WNT1: variants seen among roughly 807,000 people sequenced by gnomAD.
The protein encoded by WNT1 is proto-oncogene Wnt-1.
A neutral mutation model predicts 21.3 loss-of-function variants in WNT1; 10 were observed. The ratio of observed to expected loss-of-function variants is 0.47; its 90% confidence interval spans 0.29 to 0.80. WNT1 has a LOEUF of 0.80. Among genes scored for constraint, WNT1 ranks in the 30% least tolerant of loss-of-function variants. WNT1 has a pLI of 0.09. For synonymous variants in WNT1, 208 were observed against 236.3 expected (o/e 0.88, Z 1.10); for missense variants, 476 against 534.1 (o/e 0.89, Z 1.07).
Position 48,979,841 on chromosome 12 carries a change from T to C in WNT1, c.358+120T>C. 1 of 1,367,622 alleles carries C rather than the reference T, an allele frequency of 7.3e-7. No individual in the cohort carries two copies. The highest frequency in any genetic ancestry group is 9.6e-7 in the Non-Finnish European group (1 of 1,040,618). The allele number at this position is 1,367,622 out of a possible 1,614,324, so 84.7% of individuals were successfully genotyped here. On this transcript the variant is annotated intron_variant, in intron 2 of 3. Coordinates refer to ENST00000293549, the MANE Select transcript of WNT1 (RefSeq NM_005430.4). This position sits in a 1 kb window ranked among gnomAD's most constrained non-coding sequence, Gnocchi z 6.0. The stretch of plus-strand genomic sequence containing the variant: ...CGCCTGGAGGGTCACACAATCAACC[T>C]TGCCAAGTGCCTCGTGCCCAGCGCC...
rs755568759 is a variant in WNT1, at chr12:48,980,386, C to T, written c.359-38C>T. The T allele has an allele frequency of 5.0e-6, 8 of 1,612,732 alleles. 1 individual carries two copies. The South Asian group carries it at 8.8e-5, about 18-fold the overall frequency. ...TCATGAGGGTGCTGGCCGCGCCCCGCGTACCCCCTCGCTGATCCCCGCTCC... is the reference window on the plus strand; with the variant it reads ...TCATGAGGGTGCTGGCCGCGCCCCGTGTACCCCCTCGCTGATCCCCGCTCC... On this transcript the variant is annotated intron_variant, in intron 2 of 3. Transcript: ENST00000293549. This position sits in a 1 kb window ranked among gnomAD's most constrained non-coding sequence, Gnocchi z 7.0.
chr12:48,980,726 G>A lies in WNT1; in HGVS notation c.624+37G>A, dbSNP rs1373417093. ...GAGGCTCCGCACCCTAAGCGGAGCG[G>A]CAGGGGCCAACCTCGGGCTGGGGAA... On this transcript the variant is annotated intron_variant, in intron 3 of 3. Coordinates refer to ENST00000293549, the MANE Select transcript of WNT1 (RefSeq NM_005430.4). This position sits in a 1 kb window ranked among gnomAD's most constrained non-coding sequence, Gnocchi z 7.0. 2 of 1,501,540 alleles carry A rather than the reference G, an allele frequency of 1.3e-6. No homozygotes were observed. The highest frequency in any genetic ancestry group is 1.8e-6 in the Non-Finnish European group (2 of 1,126,846). 93.0% of individuals were successfully genotyped at this position (1,501,540 alleles called of 1,614,324 possible).
Position 48,979,820 on chromosome 12 carries a change from T to C in WNT1, c.358+99T>C. On this transcript the variant is annotated intron_variant, in intron 2 of 3. Transcript: ENST00000293549. This position sits in a 1 kb window ranked among gnomAD's most constrained non-coding sequence, Gnocchi z 6.0. ...GTTCAGAGAAGGTGTCCCAGGCGCC[T>C]GGAGGGTCACACAATCAACCTTGCC... The C allele has an allele frequency of 7.0e-7, 1 of 1,430,026 alleles. No individual in the cohort carries two copies. The highest frequency in any genetic ancestry group is 1.5e-5 in the South Asian group (1 of 68,214). The allele number at this position is 1,430,026 out of a possible 1,614,324, so 88.6% of individuals were successfully genotyped here.
chr12:48,980,786 G>A lies in WNT1; in HGVS notation c.624+97G>A, dbSNP rs570746402. ...GGTGAGATAAGGCAAGGGGCACCAG[G>A]AGAGGGCGTCCTGGGAGAGCCGGAG... On this transcript the variant is annotated intron_variant, in intron 3 of 3. Coordinates refer to ENST00000293549, the MANE Select transcript of WNT1 (RefSeq NM_005430.4). The surrounding 1 kb of genome is among the most constrained non-coding windows in gnomAD (Gnocchi z 7.0). 4.1e-6 allele frequency: 6 copies of A among 1,449,918 alleles called. No individual in the cohort carries two copies. The African/African-American group carries it at 4.3e-5, about 10-fold the overall frequency. The allele number at this position is 1,449,918 out of a possible 1,614,324, so 89.8% of individuals were successfully genotyped here.
rs1325353610 is a variant in WNT1 at position 48,979,457 on chromosome 12, C to G, written c.105-11C>G. 6.3e-7 allele frequency: 1 copy of G among 1,594,558 alleles called. No homozygotes were observed. The highest frequency in any genetic ancestry group is 1.3e-5 in the African/African-American group (1 of 74,568). On this transcript the variant is annotated splice_polypyrimidine_tract_variant and intron_variant, in intron 1 of 3. Coordinates refer to ENST00000293549, the MANE Select transcript of WNT1 (RefSeq NM_005430.4). This position sits in a 1 kb window ranked among gnomAD's most constrained non-coding sequence, Gnocchi z 6.0. The stretch of plus-strand genomic sequence containing the variant: ...CCCTTCCTGAGCCTGAGCTATCATA[C>G]GTCCCACCAGGGGTATTGTGAACGT...
rs774290977 is a variant in WNT1, at chr12:48,979,597, C to A, written c.234C>A (p.Ile78=). 2.5e-6 allele frequency: 4 copies of A among 1,614,144 alleles called. No individual in the cohort carries two copies. Among genetic ancestry groups the A allele is most frequent in the Non-Finnish European group, 3.4e-6 (4 of 1,180,050 alleles). ...QRRLIRQNPG[I]LHSVSGGLQS... Reference sequence around the variant, plus strand: ...GTCTGATACGCCAAAATCCGGGGATCCTGCACAGCGTGAGTGGGGGGCTGC... The same window carrying A: ...GTCTGATACGCCAAAATCCGGGGATACTGCACAGCGTGAGTGGGGGGCTGC... Residue 78 remains isoleucine, a synonymous_variant, in exon 2 of 4, where the codon ATC becomes ATA. Transcript: ENST00000293549. The surrounding 1 kb of genome is among the most constrained non-coding windows in gnomAD (Gnocchi z 6.0).
At position 48,978,745 on chromosome 12, in the gene WNT1, G is replaced by A. The variant is rs1414331759; in HGVS notation, c.95G>A (p.Gly32Asp). 7 of 1,598,906 alleles carry A rather than the reference G, an allele frequency of 4.4e-6. No individual in the cohort carries two copies. Among genetic ancestry groups the A allele is most frequent in the Non-Finnish European group, 6.0e-6 (7 of 1,175,786 alleles). ...LPAALAANSSGRWWGIVNVAS... is the reference protein window; with the variant it reads ...LPAALAANSSDRWWGIVNVAS... Reference sequence around the variant, plus strand: ...GCAGCCCTGGCTGCCAACAGCAGTGGCCGATGGTGGTAAGTGAGCTGGTGC... The same window carrying A: ...GCAGCCCTGGCTGCCAACAGCAGTGACCGATGGTGGTAAGTGAGCTGGTGC... Residue 32 changes from glycine to aspartate, a missense_variant, in exon 1 of 4, where the codon GGC becomes GAC. Gly to Asp is a moderately conservative substitution (Grantham distance 94). Transcript: ENST00000293549. The surrounding 1 kb of genome is among the most constrained non-coding windows in gnomAD (Gnocchi z 7.4).
In WNT1 at chr12:48,979,731, C is replaced by A; in HGVS notation, c.358+10C>A. On this transcript the variant is annotated intron_variant, in intron 2 of 3. Transcript: ENST00000293549. This position sits in a 1 kb window ranked among gnomAD's most constrained non-coding sequence, Gnocchi z 6.0. Reference sequence around the variant, plus strand: ...AAGATCGTCAACCGAGGTGGGTGCCCAGGAAGGCGACGCTTCCGGGAGCAG... The same window carrying A: ...AAGATCGTCAACCGAGGTGGGTGCCAAGGAAGGCGACGCTTCCGGGAGCAG... 1 of 1,575,782 alleles carries A rather than the reference C, an allele frequency of 6.3e-7. No homozygotes were observed. The highest frequency in any genetic ancestry group is 1.1e-5 in the South Asian group (1 of 87,658).
Position 48,979,585 on chromosome 12 carries a change from A to G in WNT1, c.222A>G (p.Gln74=), listed in dbSNP as rs912508879. 13 of 1,614,000 alleles carry G rather than the reference A, an allele frequency of 8.1e-6. No individual in the cohort carries two copies. The highest frequency in any genetic ancestry group is 1.1e-5 in the Non-Finnish European group (13 of 1,180,044). ...LSRKQRRLIR[Q]NPGILHSVSG... is the part of the protein sequence containing the mutation. ...GCAAACAGCGGCGTCTGATACGCCAAAATCCGGGGATCCTGCACAGCGTGA... is the reference window on the plus strand; with the variant it reads ...GCAAACAGCGGCGTCTGATACGCCAGAATCCGGGGATCCTGCACAGCGTGA... The change falls in exon 2 of 4, where the codon CAA becomes CAG. Residue 74 remains glutamine (Q), a synonymous_variant. Transcript: ENST00000293549. The surrounding 1 kb of genome is among the most constrained non-coding windows in gnomAD (Gnocchi z 6.0).
rs1425027070 is a variant in WNT1, at chr12:48,981,450, C to G, written c.923C>G (p.Ala308Gly). Reference protein sequence around the residue: ...FCTYSGRLGTAGTAGRACNSS... With the variant: ...FCTYSGRLGTGGTAGRACNSS... ...ACGTACAGCGGACGCCTGGGCACAG[C>G]AGGCACGGCAGGGCGCGCCTGTAAC... The change falls in exon 4 of 4, where the codon GCA becomes GGA. Residue 308 changes from alanine to glycine, a missense_variant. Ala to Gly is a moderately conservative substitution (Grantham distance 60). Coordinates refer to ENST00000293549, the MANE Select transcript of WNT1 (RefSeq NM_005430.4). This position sits in a 1 kb window ranked among gnomAD's most constrained non-coding sequence, Gnocchi z 7.4. 6.4e-7 allele frequency: 1 copy of G among 1,563,374 alleles called. No homozygotes were observed. The highest frequency in any genetic ancestry group is 1.2e-5 in the South Asian group (1 of 85,280).
Position 48,979,827 on chromosome 12 carries a change from TCACA to T in WNT1, c.358+109_358+112del, listed in dbSNP as rs1940986882. 2 of 1,416,676 alleles carry T rather than the reference TCACA, an allele frequency of 1.4e-6. No individual in the cohort carries two copies. The highest frequency in any genetic ancestry group is 2.8e-5 in the Admixed American group (1 of 35,672). 87.8% of individuals were successfully genotyped at this position (1,416,676 alleles called of 1,614,324 possible). ...GAAGGTGTCCCAGGCGCCTGGAGGGTCACACAATCAACCTTGCCAAGTGCCTCGT... is the reference window on the plus strand; with the variant it reads ...GAAGGTGTCCCAGGCGCCTGGAGGGTCAATCAACCTTGCCAAGTGCCTCGT... On this transcript the variant is annotated intron_variant, in intron 2 of 3. Transcript: ENST00000293549. This position sits in a 1 kb window ranked among gnomAD's most constrained non-coding sequence, Gnocchi z 6.0.
Position 48,981,766 on chromosome 12 carries a change from C to G in WNT1, c.*126C>G, listed in dbSNP as rs1941018642. 1.6e-6 allele frequency: 2 copies of G among 1,274,476 alleles called. No homozygotes were observed. The highest frequency in any genetic ancestry group is 1.7e-5 in the South Asian group (1 of 59,324). 78.9% of individuals were successfully genotyped at this position (1,274,476 alleles called of 1,614,324 possible). A position where few individuals can be genotyped will look rare whatever the true frequency, so the allele number is the denominator to read the frequency against. On this transcript the variant is annotated 3_prime_UTR_variant, in exon 4 of 4. Coordinates refer to ENST00000293549, the MANE Select transcript of WNT1 (RefSeq NM_005430.4). This position sits in a 1 kb window ranked among gnomAD's most constrained non-coding sequence, Gnocchi z 7.4. ...CCAGTCACACTCCCCGCGGTTCATACGCATCCCATCTCTCCCACTTCCTCC... is the reference window on the plus strand; with the variant it reads ...CCAGTCACACTCCCCGCGGTTCATAGGCATCCCATCTCTCCCACTTCCTCC...
rs1175453949 is a variant in WNT1, at chr12:48,980,195, C to T, written c.359-229C>T. 6.6e-6 allele frequency among the ~76,000 whole-genome samples: 1 copy of T among 152,258 alleles called. No individual in the cohort carries two copies. The highest frequency in any genetic ancestry group is 2.4e-5 in the African/African-American group (1 of 41,474). On this transcript the variant is annotated intron_variant, in intron 2 of 3. Transcript: ENST00000293549. The surrounding 1 kb of genome is among the most constrained non-coding windows in gnomAD (Gnocchi z 7.0). The stretch of plus-strand genomic sequence containing the variant: ...CCACTTCCGCTATCGAGCCAAAATG[C>T]GCCCTAGAATCTCCCAGTAAGGTGT...
rs1442343941 is a variant in WNT1 at position 48,981,462 on chromosome 12, G to C, written c.935G>C (p.Gly312Ala). Reference protein sequence around the residue: ...SGRLGTAGTAGRACNSSSPAL... With the variant: ...SGRLGTAGTAARACNSSSPAL... ...CGCCTGGGCACAGCAGGCACGGCAG[G>C]GCGCGCCTGTAACAGCTCGTCGCCC... The change falls in exon 4 of 4, where the codon GGG becomes GCG. Residue 312 changes from glycine to alanine, a missense_variant. Transcript: ENST00000293549. This position sits in a 1 kb window ranked among gnomAD's most constrained non-coding sequence, Gnocchi z 7.4. 1.3e-6 allele frequency: 2 copies of C among 1,559,508 alleles called. No homozygotes were observed. Among genetic ancestry groups the C allele is most frequent in the Non-Finnish European group, 1.7e-6 (2 of 1,152,004 alleles).
rs1184571432 is a variant in WNT1 at position 48,979,989 on chromosome 12, G to T, written c.358+268G>T. 1.3e-5 allele frequency among the ~76,000 whole-genome samples: 2 copies of T among 152,218 alleles called. No individual in the cohort carries two copies. The highest frequency in any genetic ancestry group is 2.9e-5 in the Non-Finnish European group (2 of 68,042). On this transcript the variant is annotated intron_variant, in intron 2 of 3. Coordinates refer to ENST00000293549, the MANE Select transcript of WNT1 (RefSeq NM_005430.4). The surrounding 1 kb of genome is among the most constrained non-coding windows in gnomAD (Gnocchi z 6.0). ...GGGTCGCGGACGCCGGCTGACCGCCGCTTTCCCCCAGCCTCTCTCAAAAGC... is the reference window on the plus strand; with the variant it reads ...GGGTCGCGGACGCCGGCTGACCGCCTCTTTCCCCCAGCCTCTCTCAAAAGC...
In WNT1 at chr12:48,979,690, G is replaced by A; in HGVS notation, c.327G>A (p.Gly109=). 2 of 1,599,232 alleles carry A rather than the reference G, an allele frequency of 1.3e-6. No individual in the cohort carries two copies. Among genetic ancestry groups the A allele is most frequent in the Non-Finnish European group, 1.7e-6 (2 of 1,168,762 alleles). The change falls in exon 2 of 4, where the codon GGG becomes GGA. Residue 109 remains glycine (G), a synonymous_variant. Coordinates refer to ENST00000293549, the MANE Select transcript of WNT1 (RefSeq NM_005430.4). The surrounding 1 kb of genome is among the most constrained non-coding windows in gnomAD (Gnocchi z 6.0). ...GCTGGAACTGTCCCACTGCTCCAGG[G>A]CCCCACCTCTTCGGCAAGATCGTCA... ...NRRWNCPTAP[G]PHLFGKIVNR...
In WNT1 at chr12:48,980,500, A is replaced by G. The variant is rs149300193; in HGVS notation, c.435A>G (p.Glu145=). Residue 145 remains glutamate (E), a synonymous_variant, in exon 3 of 4, where the codon GAA becomes GAG. Transcript: ENST00000293549. The surrounding 1 kb of genome is among the most constrained non-coding windows in gnomAD (Gnocchi z 7.0). ...VTHSVARSCS[E]GSIESCTCDY... ...ATTCGGTGGCGCGCTCCTGCTCAGA[A>G]GGTTCCATCGAATCCTGCACGTGTG... 57 of 1,614,170 alleles carry G rather than the reference A, an allele frequency of 3.5e-5. No homozygotes were observed. The African/African-American group carries it at 7.2e-4, about 20-fold the overall frequency.
In WNT1 at chr12:48,981,670, C is replaced by A; in HGVS notation, c.*30C>A. The A allele has an allele frequency of 7.0e-7, 1 of 1,426,608 alleles. No individual in the cohort carries two copies. Among genetic ancestry groups the A allele is most frequent in the Non-Finnish European group, 9.1e-7 (1 of 1,094,712 alleles). The allele number at this position is 1,426,608 out of a possible 1,614,324, so 88.4% of individuals were successfully genotyped here. ...CTGCGCGGACTCGCCCCCAGGAACG[C>A]TCTCCTCGAGCCCTCCCCCAAACAG... On this transcript the variant is annotated 3_prime_UTR_variant, in exon 4 of 4. Coordinates refer to ENST00000293549, the MANE Select transcript of WNT1 (RefSeq NM_005430.4). This position sits in a 1 kb window ranked among gnomAD's most constrained non-coding sequence, Gnocchi z 7.4.
Position 48,978,729 on chromosome 12 carries a change from G to T in WNT1, c.79G>T (p.Ala27Ser). 1.2e-6 allele frequency: 2 copies of T among 1,602,782 alleles called. No homozygotes were observed. Among genetic ancestry groups the T allele is most frequent in the Non-Finnish European group, 1.7e-6 (2 of 1,178,042 alleles). The change falls in exon 1 of 4, where the codon GCT becomes TCT. Residue 27 changes from alanine to serine, a missense_variant. Ala to Ser is a moderately conservative substitution (Grantham distance 99). Transcript: ENST00000293549. The surrounding 1 kb of genome is among the most constrained non-coding windows in gnomAD (Gnocchi z 7.4). The part of the protein sequence containing the change: ...LALAALPAAL[A>S]ANSSGRWWGI... ...GCTGGCCGCTCTGCCCGCAGCCCTG[G>T]CTGCCAACAGCAGTGGCCGATGGTG...
Sources: gnomAD v4.1 joint callset for allele counts (sites outside exome capture counted in the v4.1 genomes callset) on GRCh38, gnomAD v4.1.1 for gene constraint, Gnocchi (gnomAD v3.1) non-coding constraint, MANE v1.5 for transcripts, NCBI Gene and HGNC (gene_info 2026-07-23, HGNC 2026-07-21) for gene names.